Variants in HPGDS observed in about 807,000 individuals in gnomAD.
HPGDS encodes hematopoietic prostaglandin D synthase.
Under a neutral mutation model 23.1 loss-of-function variants are expected in HPGDS, and 26 were observed. That is an observed-to-expected ratio of 1.13 (90% CI 0.83 to 1.56). The LOEUF (loss-of-function observed/expected upper bound fraction) is 1.56. Ranked by LOEUF, HPGDS falls within the 40% of genes most tolerant of loss-of-function variation. The pLI, the probability that HPGDS is intolerant of heterozygous loss-of-function variation, is 0.00. For synonymous variants in HPGDS, 95 were observed against 77.9 expected (o/e 1.22, Z -1.16); for missense variants, 268 against 236.4 (o/e 1.13, Z -0.88).
rs150435932 is a variant in HPGDS at position 94,302,219 on chromosome 4, G to C, written c.362C>G (p.Thr121Arg). 4 of 1,611,876 alleles carry C rather than the reference G, an allele frequency of 2.5e-6. No individual in the cohort carries two copies. The highest frequency in any genetic ancestry group is 4.5e-5 in the East Asian group (2 of 44,728). ...VKEQMFNELL[T>R]YNAPHLMQDL... is the part of the protein sequence containing the mutation. ...TTGCATAAGATGAGGCGCATTATAC[G>C]TGAGCAGCTCATTGAACATCTGCTC... The change falls in exon 5 of 6, where the codon ACG (threonine) becomes AGG (arginine). Residue 121 changes from threonine (T) to arginine (R), a missense_variant. Physicochemically the swap from Thr to Arg is moderately conservative, Grantham distance 71 (BLOSUM62 -1). Transcript: ENST00000295256.
chr4:94,340,879 C>T, intron 1 of HPGDS, among the ~76,000 whole-genome samples: 1 of 114,650 alleles, frequency 8.7e-6, no homozygotes, highest in East Asian at 2.5e-4. Context: ...GAGTCTTGCT[C>T]TGTCGCCCAG....
rs763532354 is a variant in HPGDS, at chr4:94,302,212, A to G, written c.369T>C (p.Asn123=). ...EQMFNELLTY[N]APHLMQDLDT... The stretch of plus-strand genomic sequence containing the variant: ...CCAAGTCTTGCATAAGATGAGGCGC[A>G]TTATACGTGAGCAGCTCATTGAACA... Residue 123 remains asparagine (N), a synonymous_variant, in exon 5 of 6, where the codon AAT becomes AAC. Coordinates refer to ENST00000295256, the MANE Select transcript of HPGDS (RefSeq NM_014485.3). 1.4e-5 allele frequency: 22 copies of G among 1,612,670 alleles called. No individual in the cohort carries two copies. Among genetic ancestry groups the G allele is most frequent in the Non-Finnish European group, 1.9e-5 (22 of 1,178,974 alleles).
At chr4:94,336,807 A>G (rs1190643472) in intron 1 of HPGDS, among the ~76,000 whole-genome samples, 1 of 152,204 alleles carries the variant, frequency 6.6e-6, no homozygotes, top group Admixed American at 6.5e-5. Flanking sequence ...AAAAAACATA[A>G]TAATTAAGAG....
chr4:94,312,488 A>C (rs1278487691), intron 3 of HPGDS, among the ~76,000 whole-genome samples: 1 of 152,182 alleles, frequency 6.6e-6, no homozygotes, highest in African/African-American at 2.4e-5. Context: ...ATTTGATTGC[A>C]CTGTGGTCTG....
intron 1 of HPGDS, among the ~76,000 whole-genome samples, chr4:94,340,260 C>CCTTT (rs201837103): frequency 0.045 from 3,644 of 81,244 alleles, 263 homozygotes; most frequent in East Asian, 0.057. Context: ...CTGGTCTAAA[C>CCTTT]CTTTCTTTCT....
At chr4:94,312,333 GT>G (rs1756292904) in intron 3 of HPGDS, among the ~76,000 whole-genome samples, 1 of 152,158 alleles carries the variant, frequency 6.6e-6, no homozygotes, top group African/African-American at 2.4e-5. Context: ...ATTCTGGTAC[GT>G]TGTGTCTTTG....
chr4:94,316,608 A>G (rs1756403500), intron 3 of HPGDS, among the ~76,000 whole-genome samples: 1 of 152,256 alleles, frequency 6.6e-6, no homozygotes, highest in African/African-American at 2.4e-5. Context: ...GATCCAATCT[A>G]TCCTTCTAAG....
At chr4:94,332,810 T>G (rs1325990123) in intron 2 of HPGDS, among the ~76,000 whole-genome samples, 1 of 152,234 alleles carries the variant, frequency 6.6e-6, no homozygotes, top group Non-Finnish European at 1.5e-5. Flanking sequence ...TAGCTTGCCT[T>G]CTGCTCCTCA....
rs61752528 is a variant in HPGDS at position 94,308,699 on chromosome 4, T to C, written c.271A>G (p.Ile91Val). The change falls in exon 4 of 6, where the codon ATT becomes GTT. Residue 91 changes from isoleucine to valine, a missense_variant. Coordinates refer to ENST00000295256, the MANE Select transcript of HPGDS (RefSeq NM_014485.3). ...TEMEQCHVDAIVDTLDDFMSC... is the reference protein window; with the variant it reads ...TEMEQCHVDAVVDTLDDFMSC... ...ATGAAATCATCCAGAGTGTCCACAA[T>C]AGCATCAACATGACATTGTTCCATT... The C allele has an allele frequency of 3.9e-3, 6,256 of 1,609,360 alleles. 47 individuals are homozygous for C. In the Middle Eastern group the frequency reaches 0.045, roughly 12 times the overall value.
At chr4:94,318,710 T>C (rs1283219222) in intron 2 of HPGDS, among the ~76,000 whole-genome samples, 1 of 152,118 alleles carries the variant, frequency 6.6e-6, no homozygotes, top group Admixed American at 6.6e-5. Context: ...CTGTAGCTTA[T>C]GGATTAAAAA....
intron 1 of HPGDS, among the ~76,000 whole-genome samples, chr4:94,337,682 GA>G (rs924624604): frequency 2.6e-5 from 4 of 151,382 alleles, no homozygotes; most frequent in Non-Finnish European, 1.5e-5. Flanking sequence ...CTCGAAAAAA[GA>G]AAAAAAAGTT....
intron 1 of HPGDS, among the ~76,000 whole-genome samples, chr4:94,336,483 C>T (rs578083851): frequency 2.2e-4 from 34 of 152,282 alleles, no homozygotes; most frequent in African/African-American, 7.2e-4. Context: ...AACGAGAGAG[C>T]TACTGCCAAT....
chr4:94,303,486 C>T (rs1756083351), intron 4 of HPGDS, among the ~76,000 whole-genome samples: 1 of 152,070 alleles, frequency 6.6e-6, no homozygotes, highest in South Asian at 2.1e-4. Flanking sequence ...ATATGTTTGC[C>T]AGATTTAAAA....
rs373949960 is a variant in HPGDS at position 94,334,587 on chromosome 4, C to T, written c.43G>A (p.Ala15Thr). The change falls in exon 2 of 6, where the codon GCA (alanine) becomes ACA (threonine). Residue 15 changes from alanine to threonine, a missense_variant. By Grantham distance (58) the Ala-to-Thr change is moderately conservative. Coordinates refer to ENST00000295256, the MANE Select transcript of HPGDS (RefSeq NM_014485.3). ...KLTYFNMRGR[A>T]EIIRYIFAYL... ...GCAAATATGTAACGAATAATTTCTG[C>T]TCTCCCCCTCATATTAAAATAAGTG... 1 of 1,613,220 alleles carries T rather than the reference C, an allele frequency of 6.2e-7. No homozygotes were observed. The highest frequency in any genetic ancestry group is 8.5e-7 in the Non-Finnish European group (1 of 1,179,484).
At chr4:94,309,908 T>C (rs1014738170) in intron 3 of HPGDS, among the ~76,000 whole-genome samples, 2 of 152,204 alleles carry the variant, frequency 1.3e-5, no homozygotes, top group Admixed American at 1.3e-4. Flanking sequence ...TCATGTGTCT[T>C]TTGGCTGCAT....
At chr4:94,304,347 G>A (rs959244863) in intron 4 of HPGDS, among the ~76,000 whole-genome samples, 1 of 152,060 alleles carries the variant, frequency 6.6e-6, no homozygotes, top group Non-Finnish European at 1.5e-5. Flanking sequence ...AATAACCAAA[G>A]TAACACTAAT....
chr4:94,324,782 C>T (rs1756595569), intron 2 of HPGDS, among the ~76,000 whole-genome samples: 1 of 152,192 alleles, frequency 6.6e-6, no homozygotes, highest in South Asian at 2.1e-4. Flanking sequence ...AGTCATTCTC[C>T]ATCCAGCTTG....
rs1228663320 is a variant in HPGDS at position 94,308,743 on chromosome 4, T to C, written c.227A>G (p.Asp76Gly). The C allele has an allele frequency of 1.3e-6, 2 of 1,542,918 alleles. No homozygotes were observed. Among genetic ancestry groups the C allele is most frequent in the African/African-American group, 1.4e-5 (1 of 73,406 alleles). Residue 76 changes from aspartate (D) to glycine (G), a missense_variant and splice_region_variant, in exon 4 of 6, where the codon GAT becomes GGT. By Grantham distance (94) the Asp-to-Gly change is moderately conservative. Coordinates refer to ENST00000295256, the MANE Select transcript of HPGDS (RefSeq NM_014485.3). ...TTCCATTTCTGTGTTTCCAGCCAAA[T>C]CTGTGGAATAGAGAGAGGCCCATCA... is the stretch of plus-strand genomic sequence containing the variant. ...AIARYLTKNT[D>G]LAGNTEMEQC... is the part of the protein sequence containing the mutation.
At chr4:94,335,227 G>T (rs1720975966) in intron 1 of HPGDS, among the ~76,000 whole-genome samples, 2 of 152,116 alleles carry the variant, frequency 1.3e-5, no homozygotes, top group Admixed American at 1.3e-4. Context: ...ACGCTACTGG[G>T]TTTTACTGGG....
Sources: allele counts gnomAD v4.1 joint callset (sites outside exome capture counted in the v4.1 genomes callset), GRCh38; gene constraint gnomAD v4.1.1; transcripts MANE v1.5; gene names NCBI Gene and HGNC (gene_info 2026-07-23, HGNC 2026-07-21).